SLC9A9: variants seen among roughly 807,000 people sequenced by gnomAD.
SLC9A9 encodes the protein solute carrier family 9 member A9, also known as sodium/hydrogen exchanger 9.
SLC9A9 carries 62 observed loss-of-function variants against 77.8 expected under a neutral mutation model. The observed-to-expected ratio is 0.80, with a 90% CI of 0.65 to 0.98. The LOEUF (loss-of-function observed/expected upper bound fraction) is 0.98. Ranked by LOEUF, SLC9A9 falls within the 50% of genes least tolerant of loss-of-function variation. The pLI is 0.00. For missense variants in SLC9A9, 775 were observed against 774.9 expected, an observed-to-expected ratio of 1.00 and a Z score of 0.00; for synonymous variants, 320 against 283.5, an observed-to-expected ratio of 1.13 and a Z score of -1.29.
chr3:143,567,571 T>C (rs1267005758), intron 8 of SLC9A9, among the ~76,000 whole-genome samples: 3 of 152,324 alleles, frequency 2.0e-5, no homozygotes, highest in Admixed American at 1.3e-4. Flanking sequence ...CATTTGCATG[T>C]CTAAAAGCCA....
chr3:143,659,925 T>C (rs1329550057), intron 5 of SLC9A9, among the ~76,000 whole-genome samples: 1 of 152,164 alleles, frequency 6.6e-6, no homozygotes, highest in Non-Finnish European at 1.5e-5. Context: ...AGTGAGCAAG[T>C]CTCACGAGCT....
At chr3:143,546,603 T>C (rs1467550080) in intron 9 of SLC9A9, among the ~76,000 whole-genome samples, 1 of 152,232 alleles carries the variant, frequency 6.6e-6, no homozygotes, top group Non-Finnish European at 1.5e-5. Context: ...GTTTACTGAA[T>C]AAATGATACC....
chr3:143,623,583 C>T (rs911933108), intron 6 of SLC9A9, among the ~76,000 whole-genome samples: 1 of 151,960 alleles, frequency 6.6e-6, no homozygotes, highest in Non-Finnish European at 1.5e-5. Context: ...AAAGACACAA[C>T]ATACCAGAAT....
chr3:143,325,777 T>C (rs146774460), intron 14 of SLC9A9, among the ~76,000 whole-genome samples: 74 of 152,302 alleles, frequency 4.9e-4, no homozygotes, highest in African/African-American at 1.8e-3. Context: ...TATTGGTGCC[T>C]TGTCAGTTAC....
At chr3:143,484,654 T>A (rs1294928155) in intron 11 of SLC9A9, among the ~76,000 whole-genome samples, 1 of 152,196 alleles carries the variant, frequency 6.6e-6, no homozygotes, top group South Asian at 2.1e-4. Flanking sequence ...AGGGACATGT[T>A]AGACATGCTG....
At chr3:143,728,499 A>T (rs1934719290) in intron 4 of SLC9A9, among the ~76,000 whole-genome samples, 2 of 152,168 alleles carry the variant, frequency 1.3e-5, no homozygotes, top group African/African-American at 4.8e-5. Flanking sequence ...ATGGATCAGC[A>T]CGGAGAGGAA....
intron 4 of SLC9A9, among the ~76,000 whole-genome samples, chr3:143,738,936 C>T (rs58071776): frequency 0.021 from 3,128 of 152,256 alleles, 108 homozygotes; most frequent in African/African-American, 0.071. Context: ...ACTGATGTGT[C>T]CTTCAGACTG....
Position 143,655,080 on chromosome 3 carries a change from C to A in SLC9A9, c.650-2720G>T, listed in dbSNP as rs553694533. ...AAATAAAGCTAGACAGTGTGTCCTA[C>A]AAGAGGGAGTATTTTGCTGGGAACA... On this transcript the variant is annotated intron_variant, in intron 5 of 15. Transcript: ENST00000316549. Among the ~76,000 whole-genome samples the A allele has an allele frequency of 7.9e-5, 12 of 152,314 alleles. No homozygotes were observed. In the East Asian group the frequency reaches 2.3e-3, roughly 29 times the overall value.
chr3:143,476,994 C>T (rs1357849697), intron 11 of SLC9A9, among the ~76,000 whole-genome samples: 4 of 152,176 alleles, frequency 2.6e-5, no homozygotes, highest in Non-Finnish European at 5.9e-5. Flanking sequence ...TGCTTTTTCC[C>T]ATGTGACATT....
intron 1 of SLC9A9, among the ~76,000 whole-genome samples, chr3:143,842,297 C>T (rs188718847): frequency 7.2e-5 from 11 of 152,244 alleles, no homozygotes; most frequent in Admixed American, 5.2e-4. Flanking sequence ...AGGAGAATGG[C>T]GTGAACCTGG....
intron 6 of SLC9A9, among the ~76,000 whole-genome samples, chr3:143,642,311 A>C (rs1410006969): frequency 1.3e-5 from 2 of 152,176 alleles, no homozygotes; most frequent in African/African-American, 4.8e-5. Context: ...TGCTTTTAAA[A>C]TTTCTTCTTT....
At chr3:143,834,751 C>G in intron 1 of SLC9A9, among the ~76,000 whole-genome samples, 1 of 152,216 alleles carries the variant, frequency 6.6e-6, no homozygotes, top group Middle Eastern at 3.4e-3. Flanking sequence ...CTGACTATCC[C>G]TCTGCACTAG....
chr3:143,615,156 G>A (rs1674018890), intron 6 of SLC9A9, among the ~76,000 whole-genome samples: 1 of 152,156 alleles, frequency 6.6e-6, no homozygotes, highest in South Asian at 2.1e-4. Context: ...CCAGAGGCCT[G>A]TGAATTTAGA....
At chr3:143,518,835 C>G (rs997945232) in intron 9 of SLC9A9, among the ~76,000 whole-genome samples, 9 of 152,160 alleles carry the variant, frequency 5.9e-5, no homozygotes, top group African/African-American at 2.2e-4. Flanking sequence ...AACAGTGGAA[C>G]AGTGGAACTT....
At chr3:143,782,543 A>G (rs930960681) in intron 4 of SLC9A9, among the ~76,000 whole-genome samples, 7 of 152,198 alleles carry the variant, frequency 4.6e-5, no homozygotes, top group South Asian at 2.1e-4. Flanking sequence ...TCACTTACAA[A>G]AAGGGCACAA....
chr3:143,655,813 A>G (rs1165634677), intron 5 of SLC9A9, among the ~76,000 whole-genome samples: 6 of 152,114 alleles, frequency 3.9e-5, no homozygotes, highest in Non-Finnish European at 1.5e-5. Flanking sequence ...TCAGCCATCA[A>G]ATGGTAAGGG....
At chr3:143,470,480 CAAA>C (rs11312589) in intron 11 of SLC9A9, among the ~76,000 whole-genome samples, 6 of 135,850 alleles carry the variant, frequency 4.4e-5, no homozygotes, top group Admixed American at 7.6e-5. Context: ...AATTCTGGCT[CAAA>C]AAAAAAAAAA....
chr3:143,416,640 A>G (rs1474214010), intron 12 of SLC9A9, among the ~76,000 whole-genome samples: 3 of 152,248 alleles, frequency 2.0e-5, no homozygotes, highest in African/African-American at 7.2e-5. Flanking sequence ...GCATTCTGTA[A>G]ACCTAACTTT....
intron 12 of SLC9A9, among the ~76,000 whole-genome samples, chr3:143,390,611 G>C (rs143948329): frequency 2.3e-3 from 348 of 152,326 alleles, no homozygotes; most frequent in African/African-American, 8.0e-3. Context: ...GTGCAGGACA[G>C]TGGGTGCAGC....
Sources: gnomAD v4.1 joint callset for allele counts (sites outside exome capture counted in the v4.1 genomes callset) on GRCh38, gnomAD v4.1.1 for gene constraint, MANE v1.5 for transcripts, NCBI Gene and HGNC (gene_info 2026-07-23, HGNC 2026-07-21) for gene names.